Variants in ADAMTSL1 observed in about 807,000 individuals in gnomAD.
ADAMTSL1 encodes ADAMTS like 1.
In ADAMTSL1, 126 loss-of-function variants were observed where a neutral mutation model predicts 201.8. The observed-to-expected ratio is 0.62, with a 90% CI of 0.54 to 0.72. The LOEUF is 0.72. ADAMTSL1 is among the 30% of genes least tolerant of loss of function. The probability of loss-of-function intolerance (pLI) is 0.00; values close to 1 mark genes in which losing one functional copy is unlikely to be tolerated. For missense variants in ADAMTSL1, 2,679 were observed against 2,277.8 expected (o/e 1.18, Z -3.59); for synonymous variants, 1,121 against 903.4 (o/e 1.24, Z -4.32).
intron 2 of ADAMTSL1, among the ~76,000 whole-genome samples, chr9:18,207,188 A>G (rs1331049046): frequency 6.6e-6 from 1 of 152,044 alleles, no homozygotes; most frequent in East Asian, 1.9e-4. Context: ...GAAAAAAGAA[A>G]GTGGAGTAAA....
intron 1 of ADAMTSL1, among the ~76,000 whole-genome samples, chr9:18,014,973 A>T (rs1040434306): frequency 1.3e-5 from 2 of 152,108 alleles, no homozygotes; most frequent in African/African-American, 4.8e-5. Context: ...TCGGCTGTAG[A>T]CATCAGGAAT....
chr9:17,946,058 ATGTGTGTGTGT>A (rs1827458309), intron 1 of ADAMTSL1, among the ~76,000 whole-genome samples: 9 of 148,262 alleles, frequency 6.1e-5, no homozygotes, highest in South Asian at 2.2e-4. Flanking sequence ...CATGATGTGT[ATGTGTGTGTGT>A]GTGTGTGTGT....
chr9:18,135,475 T>C (rs1336683241), intron 1 of ADAMTSL1, among the ~76,000 whole-genome samples: 1 of 152,132 alleles, frequency 6.6e-6, no homozygotes, highest in Non-Finnish European at 1.5e-5. Context: ...GGTGGACAGT[T>C]ACCACATCCA....
intron 2 of ADAMTSL1, among the ~76,000 whole-genome samples, chr9:18,386,305 A>G (rs1293471163): frequency 6.6e-6 from 1 of 152,158 alleles, no homozygotes; most frequent in Non-Finnish European, 1.5e-5. Flanking sequence ...TGAACCTTCG[A>G]TTTGATATGG....
intron 1 of ADAMTSL1, among the ~76,000 whole-genome samples, chr9:18,118,095 A>G (rs1286873646): frequency 5.3e-5 from 8 of 152,214 alleles, no homozygotes; most frequent in African/African-American, 1.7e-4. Flanking sequence ...TCTAGCAGGT[A>G]GGGCTGGATT....
intron 14 of ADAMTSL1, among the ~76,000 whole-genome samples, chr9:18,715,650 G>A: frequency 6.6e-6 from 1 of 152,044 alleles, no homozygotes; most frequent in Non-Finnish European, 1.5e-5. Context: ...TCATGAAAAT[G>A]GCCATACTGC....
At chr9:18,796,599 C>G (rs1294357365) in intron 20 of ADAMTSL1, 2 of 152,184 alleles carry the variant, frequency 1.3e-5, no homozygotes, top group East Asian at 3.9e-4. Flanking sequence ...TATTCCTGCC[C>G]CCATGACTTC....
chr9:18,705,595 G>T (rs1832185302), intron 13 of ADAMTSL1, among the ~76,000 whole-genome samples: 2 of 152,182 alleles, frequency 1.3e-5, no homozygotes, highest in African/African-American at 4.8e-5. Flanking sequence ...ATTTACAGTG[G>T]TATGTGTGGA....
At chr9:18,469,684 C>T (rs1353222177), upstream of ADAMTSL1, among the ~76,000 whole-genome samples, 1 of 152,226 alleles carries the variant, frequency 6.6e-6, no homozygotes, top group Non-Finnish European at 1.5e-5. Flanking sequence ...CCCATGCCTG[C>T]CTCTTGACAC....
chr9:18,124,468 A>G (rs1190034140), intron 1 of ADAMTSL1, among the ~76,000 whole-genome samples: 2 of 152,042 alleles, frequency 1.3e-5, no homozygotes, highest in African/African-American at 4.8e-5. Flanking sequence ...ACTTTTTTAT[A>G]TATTCTGGAT....
chr9:18,517,047 A>C (rs1818401311), intron 2 of ADAMTSL1, among the ~76,000 whole-genome samples: 1 of 152,222 alleles, frequency 6.6e-6, no homozygotes, highest in Non-Finnish European at 1.5e-5. Context: ...AGAGTTTCAT[A>C]ATATACATTT....
chr9:18,288,127 T>G (rs1833095302), intron 2 of ADAMTSL1, among the ~76,000 whole-genome samples: 2 of 151,844 alleles, frequency 1.3e-5, no homozygotes, highest in South Asian at 4.2e-4. Flanking sequence ...GATTGGGAAA[T>G]TCTAGGTGAA....
At chr9:18,838,731 G>A (rs1378268404) in intron 23 of ADAMTSL1, among the ~76,000 whole-genome samples, 1 of 151,792 alleles carries the variant, frequency 6.6e-6, no homozygotes, top group African/African-American at 2.4e-5. Flanking sequence ...TTGGGAGGCT[G>A]AGGTGTAGTC....
At chr9:18,754,501 T>C (rs1478696131) in intron 16 of ADAMTSL1, among the ~76,000 whole-genome samples, 3 of 152,202 alleles carry the variant, frequency 2.0e-5, no homozygotes, top group Non-Finnish European at 4.4e-5. Flanking sequence ...TGAGACAGTT[T>C]CTTCACTCTC....
intron 1 of ADAMTSL1, among the ~76,000 whole-genome samples, chr9:18,162,970 CTCAACAATGCAACATTGTTAT>C (rs1338798937): frequency 6.6e-6 from 1 of 151,912 alleles, no homozygotes; most frequent in African/African-American, 2.4e-5. Flanking sequence ...TTCCTATTTT[CTCAACAATGCAACATTGTTAT>C]CATTCCTGTT....
intron 2 of ADAMTSL1, among the ~76,000 whole-genome samples, chr9:18,463,583 A>G (rs1053697995): frequency 3.9e-5 from 6 of 151,926 alleles, no homozygotes; most frequent in African/African-American, 1.5e-4. Flanking sequence ...TCACCATTCT[A>G]CTCCCTGTCT....
chr9:18,122,902 C>T (rs529541116), intron 1 of ADAMTSL1, among the ~76,000 whole-genome samples: 1 of 152,072 alleles, frequency 6.6e-6, no homozygotes, highest in Admixed American at 6.5e-5. Flanking sequence ...CCACACCTGG[C>T]TAATTTTTGT....
rs553619648 is a variant in ADAMTSL1 at position 18,639,581 on chromosome 9, G to T, written c.834+170G>T. Among the ~76,000 whole-genome samples the T allele has an allele frequency of 2.6e-5, 4 of 152,118 alleles. No individual in the cohort carries two copies. The East Asian group carries it at 7.7e-4, about 29-fold the overall frequency. On this transcript the variant is annotated intron_variant, in intron 7 of 28. Coordinates refer to ENST00000380548, the MANE Select transcript of ADAMTSL1 (RefSeq NM_001040272.6). ...GAGCTAGCTGCATCCTGGACCTTAT[G>T]AGGACATATGATATTTCAAGGTCAT...
chr9:18,150,834 G>T (rs1448614287), intron 1 of ADAMTSL1, among the ~76,000 whole-genome samples: 1 of 151,880 alleles, frequency 6.6e-6, no homozygotes, highest in African/African-American at 2.4e-5. Flanking sequence ...AGAGACTGAA[G>T]GAAGCATGGT....
Sources: allele counts gnomAD v4.1 joint callset (sites outside exome capture counted in the v4.1 genomes callset), GRCh38; gene constraint gnomAD v4.1.1; transcripts MANE v1.5; gene names NCBI Gene and HGNC (gene_info 2026-07-23, HGNC 2026-07-21).